Variants in STK32B observed in about 807,000 individuals in gnomAD.
STK32B encodes the protein serine/threonine kinase 32B.
A neutral mutation model predicts 52.6 loss-of-function variants in STK32B; 43 were observed. The ratio of observed to expected loss-of-function variants is 0.82; its 90% confidence interval spans 0.64 to 1.05. STK32B has a LOEUF of 1.05. STK32B is among the 50% of genes least tolerant of loss of function. The pLI is 0.00. For missense variants in STK32B, 621 were observed against 534.6 expected, an observed-to-expected ratio of 1.16 and a Z score of -1.59; for synonymous variants, 238 against 204.3, an observed-to-expected ratio of 1.17 and a Z score of -1.41.
chr4:5,495,649 A>G (rs934049739), intron 11 of STK32B, among the ~76,000 whole-genome samples: 16 of 152,128 alleles, frequency 1.1e-4, no homozygotes, highest in South Asian at 4.2e-4. Flanking sequence ...GAGGAGAGGC[A>G]CTCTGCTTTT....
intron 3 of STK32B, among the ~76,000 whole-genome samples, chr4:5,218,659 T>C (rs2108793883): frequency 6.6e-6 from 1 of 152,304 alleles, no homozygotes; most frequent in South Asian, 2.1e-4. Flanking sequence ...TGAGGCGAGG[T>C]GGATTCCTTT....
chr4:5,131,779 G>T (rs1198425326), intron 1 of STK32B, among the ~76,000 whole-genome samples: 5 of 152,110 alleles, frequency 3.3e-5, no homozygotes, highest in African/African-American at 9.7e-5. Context: ...AGAAAGGCTT[G>T]CCCTGACCAC....
intron 2 of STK32B, among the ~76,000 whole-genome samples, chr4:5,148,359 C>T (rs945845693): frequency 1.3e-5 from 2 of 151,660 alleles, no homozygotes; most frequent in African/African-American, 4.8e-5. Flanking sequence ...ACATTTTGTT[C>T]TAATATAAGC....
intron 4 of STK32B, among the ~76,000 whole-genome samples, chr4:5,391,647 G>T (rs1362590242): frequency 1.3e-5 from 2 of 151,662 alleles, no homozygotes; most frequent in African/African-American, 4.9e-5. Flanking sequence ...GGGCCACAGG[G>T]TGCAGAGGTC....
At chr4:5,062,186 AC>A (rs535238524) in intron 1 of STK32B, among the ~76,000 whole-genome samples, 263 of 152,220 alleles carry the variant, frequency 1.7e-3, no homozygotes, top group Non-Finnish European at 2.9e-3. Flanking sequence ...CACTTTCATA[AC>A]AGAGCTTCGT....
rs538496655 is a variant in STK32B at position 5,436,587 on chromosome 4, G to A, written c.563-10086G>A. ...AGAGGCCCAGCTGGGAAGCTATGCTGCTCCTAGGGGACTAGAAGGGAAAAC... is the reference window on the plus strand; with the variant it reads ...AGAGGCCCAGCTGGGAAGCTATGCTACTCCTAGGGGACTAGAAGGGAAAAC... On this transcript the variant is annotated intron_variant, in intron 6 of 11. Coordinates refer to ENST00000282908, the MANE Select transcript of STK32B (RefSeq NM_018401.3). 9.1e-6 allele frequency: 9 copies of A among 985,422 alleles called. No individual in the cohort carries two copies. In the African/African-American group the frequency reaches 1.2e-4, roughly 13 times the overall value. The allele number at this position is 985,422 out of a possible 1,614,324, so 61.0% of individuals were successfully genotyped here.
intron 3 of STK32B, among the ~76,000 whole-genome samples, chr4:5,193,736 A>G (rs1721419214): frequency 6.6e-6 from 1 of 152,216 alleles, no homozygotes; most frequent in Non-Finnish European, 1.5e-5. Flanking sequence ...TTGGAAGGTG[A>G]TGACACGAGG....
chr4:5,341,815 G>C (rs1269025367), intron 4 of STK32B, among the ~76,000 whole-genome samples: 1 of 152,126 alleles, frequency 6.6e-6, no homozygotes, highest in African/African-American at 2.4e-5. Context: ...CATGGCCAGA[G>C]CAGGAGCAAA....
chr4:5,318,150 T>G (rs1337578528), intron 3 of STK32B, among the ~76,000 whole-genome samples: 2 of 152,062 alleles, frequency 1.3e-5, no homozygotes, highest in Non-Finnish European at 2.9e-5. Flanking sequence ...CACTTGTGTG[T>G]GTGATTGGGG....
chr4:5,036,176 T>C, the STK32B span, among the ~76,000 whole-genome samples: 1 of 152,154 alleles, frequency 6.6e-6, no homozygotes, highest in African/African-American at 2.4e-5. Context: ...TCAAAGTTTG[T>C]GTAAAGAGAG....
chr4:5,238,056 G>C (rs1422670552), intron 3 of STK32B, among the ~76,000 whole-genome samples: 1 of 152,158 alleles, frequency 6.6e-6, no homozygotes, highest in African/African-American at 2.4e-5. Flanking sequence ...TTCTATGATT[G>C]TGATTCTTTG....
intron 11 of STK32B, among the ~76,000 whole-genome samples, chr4:5,479,306 G>T (rs865790922): frequency 6.6e-6 from 1 of 151,612 alleles, no homozygotes; most frequent in Non-Finnish European, 1.5e-5. Context: ...TTTAGTAGAG[G>T]CAGGGTTTCA....
chr4:5,478,027 C>T (rs531292277), intron 11 of STK32B, among the ~76,000 whole-genome samples: 9 of 152,230 alleles, frequency 5.9e-5, no homozygotes, highest in African/African-American at 2.2e-4. Context: ...TACCAGTGCC[C>T]AGAATGGGGC....
At chr4:5,308,488 T>A (rs761499898) in intron 3 of STK32B, among the ~76,000 whole-genome samples, 1 of 152,192 alleles carries the variant, frequency 6.6e-6, no homozygotes, top group Non-Finnish European at 1.5e-5. Context: ...TTTTGTGTAT[T>A]CCTCTAGAGT....
chr4:5,252,092 C>T (rs955302737), intron 3 of STK32B, among the ~76,000 whole-genome samples: 31 of 152,176 alleles, frequency 2.0e-4, no homozygotes, highest in African/African-American at 2.2e-4. Flanking sequence ...GCAGCAACAA[C>T]CCCCCATCAG....
intron 11 of STK32B, among the ~76,000 whole-genome samples, chr4:5,476,083 A>G (rs1013345183): frequency 6.6e-6 from 1 of 151,752 alleles, no homozygotes; most frequent in Non-Finnish European, 1.5e-5. Context: ...TTTTTTTAGT[A>G]GAGATGGGGT....
chr4:5,057,149 A>T (rs1742038079), intron 1 of STK32B, among the ~76,000 whole-genome samples: 1 of 152,204 alleles, frequency 6.6e-6, no homozygotes, highest in Non-Finnish European at 1.5e-5. Context: ...ACAATCACTT[A>T]TTGGGGGCCA....
chr4:5,183,448 G>T (rs957558903), intron 3 of STK32B, among the ~76,000 whole-genome samples: 4 of 150,340 alleles, frequency 2.7e-5, no homozygotes, highest in Non-Finnish European at 4.4e-5. Context: ...CTGCACTCCA[G>T]CCTGGGCAAA....
intron 3 of STK32B, among the ~76,000 whole-genome samples, chr4:5,212,514 A>G (rs375509995): frequency 5.2e-4 from 79 of 152,324 alleles, no homozygotes; most frequent in African/African-American, 1.9e-3. Flanking sequence ...AGTCCCCACA[A>G]AGGTTTTCCT....
Sources: allele counts gnomAD v4.1 joint callset (sites outside exome capture counted in the v4.1 genomes callset), GRCh38; gene constraint gnomAD v4.1.1; transcripts MANE v1.5; gene names NCBI Gene and HGNC (gene_info 2026-07-23, HGNC 2026-07-21).